GNG12: variants seen among roughly 807,000 people sequenced by gnomAD.
GNG12 encodes G protein subunit gamma 12.
For missense variants in GNG12, 69 were observed against 83.8 expected (o/e 0.82, Z 0.69); for synonymous variants, 28 against 29.7 (o/e 0.94, Z 0.19).
intron 2 of GNG12, among the ~76,000 whole-genome samples, chr1:67,749,131 T>C (rs1646524269): frequency 1.3e-5 from 2 of 152,160 alleles, no homozygotes; most frequent in Non-Finnish European, 2.9e-5. Context: ...ACATTACTTA[T>C]AGTAACCGCA....
chr1:67,744,058 C>T (rs1429658062), intron 2 of GNG12, among the ~76,000 whole-genome samples: 5 of 152,092 alleles, frequency 3.3e-5, no homozygotes, highest in East Asian at 1.9e-4. Flanking sequence ...GATGACAGTA[C>T]GAACAATAAA....
In GNG12 at chr1:67,766,235, C is replaced by A. The variant is rs186971205; in HGVS notation, c.-27+11223G>T. 3.3e-5 allele frequency among the ~76,000 whole-genome samples: 5 copies of A among 151,838 alleles called. No homozygotes were observed. The East Asian group carries it at 9.7e-4, about 29-fold the overall frequency. The stretch of plus-strand genomic sequence containing the variant: ...AATCTTTCCAAATTATCAATCAGAA[C>A]AATAAAAATGCCCTTGAGGGCTCAT... On this transcript the variant is annotated intron_variant, in intron 2 of 3. Transcript: ENST00000370982.
intron 1 of GNG12, among the ~76,000 whole-genome samples, chr1:67,784,728 T>C (rs1024480432): frequency 3.3e-5 from 5 of 152,210 alleles, no homozygotes; most frequent in Non-Finnish European, 5.9e-5. Context: ...TTGCTACAAA[T>C]AGATTCCCAA....
At chr1:67,775,860 G>A (rs1293374897) in intron 2 of GNG12, among the ~76,000 whole-genome samples, 1 of 152,142 alleles carries the variant, frequency 6.6e-6, no homozygotes, top group African/African-American at 2.4e-5. Flanking sequence ...AAAATGGGAA[G>A]GATTTCCAGG....
rs761637835 is a variant in GNG12 at position 67,710,194 on chromosome 1, ATATATATATAGT to A, written c.-26-2494_-26-2483del. Among the ~76,000 whole-genome samples the A allele has an allele frequency of 1.2e-3, 19 of 15,452 alleles. 3 individuals are homozygous for A. Among genetic ancestry groups the A allele is most frequent in the East Asian group, 5.5e-3 (4 of 722 alleles). 10.1% of individuals were successfully genotyped at this position (15,452 alleles called of 152,430 possible). On this transcript the variant is annotated intron_variant, in intron 2 of 3. Coordinates refer to ENST00000370982, the MANE Select transcript of GNG12 (RefSeq NM_018841.6). ...TATATATATAGTTATATATATAGTTATATATATATAGTTATATATATAGTTATATATATATAG... is the reference window on the plus strand; with the variant it reads ...TATATATATAGTTATATATATAGTTATATATATATAGTTATATATATATAG...
intron 1 of GNG12, among the ~76,000 whole-genome samples, chr1:67,830,745 G>A (rs796407642): frequency 2.0e-4 from 30 of 152,250 alleles, no homozygotes; most frequent in African/African-American, 7.2e-4. Context: ...TCATATTGCT[G>A]TGGTAGAAAC....
intron 2 of GNG12, among the ~76,000 whole-genome samples, chr1:67,762,620 G>A (rs1646612217): frequency 6.6e-6 from 1 of 152,158 alleles, no homozygotes; most frequent in Non-Finnish European, 1.5e-5. Context: ...GGGGTATGTG[G>A]TGGTAAAGAC....
At chr1:67,787,237 C>G (rs1194070240) in intron 1 of GNG12, among the ~76,000 whole-genome samples, 1 of 151,822 alleles carries the variant, frequency 6.6e-6, no homozygotes, top group Non-Finnish European at 1.5e-5. Context: ...CAGGAGGAAG[C>G]AGTGTGGAAG....
intron 1 of GNG12, among the ~76,000 whole-genome samples, chr1:67,821,009 T>C (rs1431568311): frequency 6.6e-6 from 1 of 152,230 alleles, no homozygotes; most frequent in Non-Finnish European, 1.5e-5. Context: ...CCCTAAGTAC[T>C]TTAAATATAT....
chr1:67,828,939 C>T (rs1647026774), intron 1 of GNG12, among the ~76,000 whole-genome samples: 1 of 152,182 alleles, frequency 6.6e-6, no homozygotes, highest in South Asian at 2.1e-4. Context: ...TCCAAAACAA[C>T]AATAAAATCC....
intron 2 of GNG12, among the ~76,000 whole-genome samples, chr1:67,717,443 G>A (rs530153680): frequency 1.3e-5 from 2 of 151,592 alleles, no homozygotes; most frequent in South Asian, 2.1e-4. Flanking sequence ...TTGAACTCAG[G>A]AGGCAGAGGT....
chr1:67,732,460 T>G (rs957081592), intron 2 of GNG12, among the ~76,000 whole-genome samples: 1 of 152,174 alleles, frequency 6.6e-6, no homozygotes, highest in African/African-American at 2.4e-5. Context: ...GTTTCTTATT[T>G]TAAAAGAGGG....
chr1:67,775,355 G>A (rs1401710860), intron 2 of GNG12, among the ~76,000 whole-genome samples: 1 of 152,210 alleles, frequency 6.6e-6, no homozygotes, highest in African/African-American at 2.4e-5. Flanking sequence ...GCCAACTAGA[G>A]TGCAATCACA....
intron 2 of GNG12, among the ~76,000 whole-genome samples, chr1:67,731,411 G>C (rs1646418243): frequency 6.6e-6 from 1 of 152,256 alleles, no homozygotes; most frequent in Admixed American, 6.5e-5. Flanking sequence ...AGAAGAGAGA[G>C]AGATAAGGCC....
intron 2 of GNG12, among the ~76,000 whole-genome samples, chr1:67,726,843 G>C (rs550893882): frequency 6.6e-6 from 1 of 152,276 alleles, no homozygotes; most frequent in South Asian, 2.1e-4. Context: ...TTGTGAAAGG[G>C]AGGGTGATAT....
chr1:67,803,926 T>C (rs755605184), intron 1 of GNG12, among the ~76,000 whole-genome samples: 6 of 152,110 alleles, frequency 3.9e-5, no homozygotes, highest in East Asian at 1.9e-4. Flanking sequence ...GAAACAGCAG[T>C]GAAGCAAAAA....
intron 2 of GNG12, among the ~76,000 whole-genome samples, chr1:67,727,774 C>A (rs536913479): frequency 6.6e-6 from 1 of 152,228 alleles, no homozygotes; most frequent in Non-Finnish European, 1.5e-5. Flanking sequence ...CTTTCTCATA[C>A]CATCTATATT....
intron 2 of GNG12, among the ~76,000 whole-genome samples, chr1:67,748,453 A>C (rs1292348009): frequency 6.6e-6 from 1 of 152,226 alleles, no homozygotes; most frequent in Non-Finnish European, 1.5e-5. Flanking sequence ...TCTTCAGTGA[A>C]ACACAGGGAT....
chr1:67,796,897 T>A (rs1027380313), intron 1 of GNG12, among the ~76,000 whole-genome samples: 1 of 152,190 alleles, frequency 6.6e-6, no homozygotes, highest in Admixed American at 6.5e-5. Context: ...CTTCCACTCA[T>A]GGTGAAAGGC....
Sources: allele counts gnomAD v4.1 joint callset (sites outside exome capture counted in the v4.1 genomes callset), GRCh38; gene constraint gnomAD v4.1.1; transcripts MANE v1.5; gene names NCBI Gene and HGNC (gene_info 2026-07-23, HGNC 2026-07-21).